ZEB2: variants seen among roughly 807,000 people sequenced by gnomAD.
ZEB2 encodes zinc finger E-box binding homeobox 2, also known as zinc finger E-box-binding homeobox 2.
In ZEB2, 6 loss-of-function variants were observed where a neutral mutation model predicts 99.9. That is an observed-to-expected ratio of 0.06 (90% CI 0.03 to 0.12). ZEB2 has a LOEUF of 0.12. ZEB2 is among the 10% of genes least tolerant of loss of function. The probability of loss-of-function intolerance (pLI) is 1.00; values close to 1 mark genes in which losing one functional copy is unlikely to be tolerated. For missense variants in ZEB2, 969 were observed against 1,502.8 expected (o/e 0.64, Z 5.87); for synonymous variants, 517 against 542.5 (o/e 0.95, Z 0.65).
chr2:144,440,130 C>T (rs1703885871), intron 2 of ZEB2, among the ~76,000 whole-genome samples: 1 of 152,058 alleles, frequency 6.6e-6, no homozygotes, highest in Non-Finnish European at 1.5e-5. Context: ...CTTTGAATGG[C>T]TATTTATTTA....
intron 2 of ZEB2, among the ~76,000 whole-genome samples, chr2:144,465,917 C>G (rs1704264965): frequency 6.6e-6 from 1 of 152,118 alleles, no homozygotes; most frequent in Admixed American, 6.5e-5. Flanking sequence ...TAATTTCTCG[C>G]TCATCCTCTA....
chr2:144,424,338 AATT>A (rs1379751663), intron 4 of ZEB2: 1 of 518,416 alleles, frequency 1.9e-6, no homozygotes, highest in East Asian at 5.4e-5. Context: ...TGAGATGATT[AATT>A]ATTGAGAGAA....
Position 144,389,081 on chromosome 2 carries a change from T to C in ZEB2, c.*370A>G. ...ACTGATGTATGGTAGTGCGGGCACC[T>C]TTTTAAAATGTATTAATATAAATTA... On this transcript the variant is annotated 3_prime_UTR_variant, in exon 10 of 10. Transcript: ENST00000627532. This position sits in a 1 kb window ranked among gnomAD's most constrained non-coding sequence, Gnocchi z 6.8. 2.0e-6 allele frequency: 1 copy of C among 491,386 alleles called. No individual in the cohort carries two copies. Among genetic ancestry groups the C allele is most frequent in the African/African-American group, 2.0e-5 (1 of 51,010 alleles). 30.4% of individuals were successfully genotyped at this position (491,386 alleles called of 1,614,324 possible).
intron 2 of ZEB2, chr2:144,504,087 A>AC (rs1560653589): frequency 1.8e-5 from 1 of 55,764 alleles, no homozygotes; most frequent in East Asian, 5.4e-4. Flanking sequence ...TAGAAAAAAA[A>AC]AAAAAAACAA....
At chr2:144,461,146 TG>T (rs1466734066) in intron 2 of ZEB2, 2 of 151,208 alleles carry the variant, frequency 1.3e-5, no homozygotes, top group Non-Finnish European at 1.5e-5. Flanking sequence ...AGGGGAATGC[TG>T]GGCTTTGTAC....
Position 144,398,632 on chromosome 2 carries a change from G to A in ZEB2, c.2555C>T (p.Ser852Leu), listed in dbSNP as rs137852982. 6.2e-7 allele frequency: 1 copy of A among 1,614,100 alleles called. No homozygotes were observed. Among genetic ancestry groups the A allele is most frequent in the Non-Finnish European group, 8.5e-7 (1 of 1,179,998 alleles). Reference protein sequence around the residue: ...ISLDHNSVSSSSENSDEPLNL... With the variant: ...ISLDHNSVSSLSENSDEPLNL... ...CAGAGGCTCATCTGAGTTTTCAGAT[G>A]AGGAAGAAACACTGTTATGATCTAA... The change falls in exon 8 of 10, where the codon TCA (serine) becomes TTA (leucine). Residue 852 changes from serine (S) to leucine (L), a missense_variant. Transcript: ENST00000627532.
rs867564366 is a variant in ZEB2, at chr2:144,479,695, C to T, written c.73+37583G>A. Among the ~76,000 whole-genome samples, 30 of 23,212 alleles carry T rather than the reference C, an allele frequency of 1.3e-3. 1 individual carries two copies. The highest frequency in any genetic ancestry group is 3.6e-3 in the Admixed American group (8 of 2,210). 15.2% of individuals were successfully genotyped at this position (23,212 alleles called of 152,430 possible). A position where few individuals can be genotyped will look rare whatever the true frequency, so the allele number is the denominator to read the frequency against. On this transcript the variant is annotated intron_variant, in intron 2 of 9. Transcript: ENST00000627532. ...TGCTACTTTTTTTTGGGGGGGGGGG[C>T]GGGGGGTGGACTTTGAACAATGAAA... is the stretch of plus-strand genomic sequence containing the variant.
At chr2:144,413,531 ATC>A (rs1361592420) in intron 4 of ZEB2, among the ~76,000 whole-genome samples, 1 of 152,160 alleles carries the variant, frequency 6.6e-6, no homozygotes. Flanking sequence ...CTCCAAACCT[ATC>A]TCTTTCTCCA....
intron 2 of ZEB2, among the ~76,000 whole-genome samples, chr2:144,440,507 ATATATATATTTTTTTTTTTT>A (rs1322279916): frequency 0.089 from 1,304 of 14,732 alleles, 25 homozygotes; most frequent in African/African-American, 0.17. Flanking sequence ...ATATATATAT[ATATATATATTTTTTTTTTTT>A]TTTTTTTTTT....
intron 9 of ZEB2, among the ~76,000 whole-genome samples, chr2:144,391,785 C>T (rs1053747388): frequency 2.0e-5 from 3 of 152,106 alleles, no homozygotes; most frequent in Non-Finnish European, 4.4e-5. Context: ...CGTTTCTAGT[C>T]GCAGCAATTC....
At chr2:144,499,791 A>G (rs1191763206) in intron 2 of ZEB2, among the ~76,000 whole-genome samples, 2 of 152,126 alleles carry the variant, frequency 1.3e-5, no homozygotes, top group African/African-American at 4.8e-5. Context: ...CCAAATCTCC[A>G]TTAGTCAGAA....
chr2:144,451,897 A>G (rs1178315543), intron 2 of ZEB2, among the ~76,000 whole-genome samples: 1 of 152,224 alleles, frequency 6.6e-6, no homozygotes, highest in Non-Finnish European at 1.5e-5. Flanking sequence ...TACAAGGTCC[A>G]TGAAGCTCAT....
intron 4 of ZEB2, among the ~76,000 whole-genome samples, chr2:144,407,730 T>A (rs1454804491): frequency 6.6e-6 from 1 of 152,246 alleles, no homozygotes; most frequent in African/African-American, 2.4e-5. Flanking sequence ...AATTCGTATC[T>A]ACTTGAGGGT....
chr2:144,401,621 C>T (rs1201537251), intron 6 of ZEB2, among the ~76,000 whole-genome samples: 1 of 152,042 alleles, frequency 6.6e-6, no homozygotes, highest in East Asian at 1.9e-4. Flanking sequence ...TGTTGTTTTT[C>T]GTGTTTACCA....
At chr2:144,415,502 C>T (rs1456425561) in intron 4 of ZEB2, among the ~76,000 whole-genome samples, 3 of 152,186 alleles carry the variant, frequency 2.0e-5, no homozygotes, top group African/African-American at 7.2e-5. Flanking sequence ...ATGTGTTCCA[C>T]TTCTTCAGAC....
At chr2:144,444,540 G>A (rs950752301) in intron 2 of ZEB2, among the ~76,000 whole-genome samples, 3 of 152,206 alleles carry the variant, frequency 2.0e-5, no homozygotes, top group Non-Finnish European at 4.4e-5. Flanking sequence ...TCTCAGATGG[G>A]ATAAAGATCA....
intron 2 of ZEB2, among the ~76,000 whole-genome samples, chr2:144,515,217 CTG>C (rs1705111451): frequency 1.3e-5 from 2 of 151,680 alleles, no homozygotes; most frequent in South Asian, 4.2e-4. Context: ...AAAAAAATGA[CTG>C]TTTAACAGAA....
At chr2:144,437,586 G>T (rs934356649) in intron 2 of ZEB2, among the ~76,000 whole-genome samples, 3 of 152,066 alleles carry the variant, frequency 2.0e-5, no homozygotes, top group Non-Finnish European at 4.4e-5. Context: ...GAAAATAACT[G>T]TAATTTATTT....
In ZEB2 at chr2:144,400,294, G is replaced by T. The variant is rs370754895; in HGVS notation, c.917-24C>A. 20 of 1,599,988 alleles carry T rather than the reference G, an allele frequency of 1.3e-5. No homozygotes were observed. The African/African-American group carries it at 2.3e-4, about 18-fold the overall frequency. ...ACCTAAAATGATAATTAAAATTACC[G>T]TTACATTTCCTTGATTAGATAACAA... is the stretch of plus-strand genomic sequence containing the variant. On this transcript the variant is annotated intron_variant, in intron 7 of 9. Coordinates refer to ENST00000627532, the MANE Select transcript of ZEB2 (RefSeq NM_014795.4).
Sources: allele counts gnomAD v4.1 joint callset (sites outside exome capture counted in the v4.1 genomes callset), GRCh38; gene constraint gnomAD v4.1.1; non-coding constraint Gnocchi (gnomAD v3.1); transcripts MANE v1.5; gene names NCBI Gene and HGNC (gene_info 2026-07-23, HGNC 2026-07-21).